The following NBAS variants were observed in gnomAD, a reference collection of about 807,000 sequenced individuals.
NBAS encodes NBAS subunit of NRZ tethering complex.
Under a neutral mutation model 302.5 loss-of-function variants are expected in NBAS, and 219 were observed. That is an observed-to-expected ratio of 0.72 (90% confidence interval 0.65 to 0.81). The LOEUF (loss-of-function observed/expected upper bound fraction) is 0.81, where lower values mean the gene tolerates loss of function less well. NBAS is among the 30% of genes least tolerant of loss of function. The pLI is 0.00. For missense variants in NBAS, 2,932 were observed against 2,841.6 expected, an observed-to-expected ratio of 1.03 and a Z score of -0.72; for synonymous variants, 1,118 against 1,021.6, an observed-to-expected ratio of 1.09 and a Z score of -1.80.
At chr2:15,452,546 C>T (rs904223662) in intron 21 of NBAS, among the ~76,000 whole-genome samples, 2 of 150,838 alleles carry the variant, frequency 1.3e-5, no homozygotes, top group Non-Finnish European at 2.9e-5. Context: ...CGAGATCGCG[C>T]CACTGCACTC....
the NBAS span, among the ~76,000 whole-genome samples, chr2:15,091,722 G>A: frequency 6.6e-6 from 1 of 151,932 alleles, no homozygotes; most frequent in Non-Finnish European, 1.5e-5. Context: ...TAGGAGAGAT[G>A]GGGCTTCGCC....
chr2:14,788,782 T>G, the NBAS span, among the ~76,000 whole-genome samples: 6 of 151,054 alleles, frequency 4.0e-5, no homozygotes, highest in South Asian at 1.3e-3. Flanking sequence ...GGTCAGGGGT[T>G]AGGGACCCAC....
intron 29 of NBAS, among the ~76,000 whole-genome samples, chr2:15,381,323 T>G (rs977166200): frequency 6.6e-6 from 1 of 152,124 alleles, no homozygotes; most frequent in South Asian, 2.1e-4. Flanking sequence ...TAAGACAACA[T>G]AGTATATTTT....
At chr2:15,553,870 C>T (rs1306250897) in intron 4 of NBAS, among the ~76,000 whole-genome samples, 191 bp downstream of exon 4, 1 of 37,124 alleles carries the variant, frequency 2.7e-5, no homozygotes, top group South Asian at 8.4e-4. Flanking sequence ...CTCCCTCTCT[C>T]CCTCTCTCTC....
At chr2:15,455,763 T>G (rs1419187995) in intron 21 of NBAS, among the ~76,000 whole-genome samples, 2 of 150,242 alleles carry the variant, frequency 1.3e-5, no homozygotes, top group Non-Finnish European at 1.5e-5. Context: ...GGCAACTAGA[T>G]AGTCAATGCT....
chr2:15,552,678 C>A (rs1400545740), intron 5 of NBAS, among the ~76,000 whole-genome samples: 1 of 152,062 alleles, frequency 6.6e-6, no homozygotes, highest in Non-Finnish European at 1.5e-5. Context: ...TATAATACCA[C>A]TGAATGTCTC....
the NBAS span, among the ~76,000 whole-genome samples, chr2:15,063,452 T>C: frequency 5.9e-5 from 9 of 152,164 alleles, no homozygotes; most frequent in African/African-American, 2.2e-4. Flanking sequence ...TCCTGGAGGA[T>C]GGACAGAATG....
At chr2:15,179,780 A>T (rs896963359) in intron 50 of NBAS, 4 of 152,364 alleles carry the variant, frequency 2.6e-5, no homozygotes, top group African/African-American at 9.6e-5. Flanking sequence ...GGTGTATCTG[A>T]ATTTTATTCT....
At chr2:15,074,124 A>G in the NBAS span, among the ~76,000 whole-genome samples, 2 of 152,232 alleles carry the variant, frequency 1.3e-5, no homozygotes, top group Admixed American at 6.5e-5. Flanking sequence ...GCAACAGAAT[A>G]GCTCCAAAAA....
chr2:15,045,391 G>A, the NBAS span, among the ~76,000 whole-genome samples: 1 of 152,226 alleles, frequency 6.6e-6, no homozygotes, highest in African/African-American at 2.4e-5. Flanking sequence ...TAACATGGCT[G>A]CCCATGGTGC....
chr2:15,074,344 GGGAAGGAAGGAAGGAT>G, the NBAS span, among the ~76,000 whole-genome samples: 50 of 147,100 alleles, frequency 3.4e-4, no homozygotes, highest in Non-Finnish European at 5.4e-4. Flanking sequence ...AAGGGAGGGA[GGGAAGGAAGGAAGGAT>G]GGAAGGAAGG....
chr2:14,998,479 G>T, the NBAS span, among the ~76,000 whole-genome samples: 1 of 152,170 alleles, frequency 6.6e-6, no homozygotes, highest in African/African-American at 2.4e-5. Flanking sequence ...GTGTCCTTGG[G>T]TGAGGCGGTA....
chr2:14,901,945 C>G, the NBAS span, among the ~76,000 whole-genome samples: 2 of 152,334 alleles, frequency 1.3e-5, no homozygotes, highest in African/African-American at 4.8e-5. Flanking sequence ...TGGAAACACC[C>G]ATGGGATCTG....
chr2:15,064,042 C>G, the NBAS span, among the ~76,000 whole-genome samples: 1 of 152,076 alleles, frequency 6.6e-6, no homozygotes, highest in African/African-American at 2.4e-5. Flanking sequence ...TCTTGCTAGG[C>G]CCATTTATTT....
chr2:14,795,577 T>C, the NBAS span, among the ~76,000 whole-genome samples: 5 of 152,144 alleles, frequency 3.3e-5, no homozygotes, highest in Non-Finnish European at 7.3e-5. Flanking sequence ...TTCTTTCAAA[T>C]GAGAGAATTT....
chr2:15,114,215 C>CT, the NBAS span, among the ~76,000 whole-genome samples: 2 of 152,094 alleles, frequency 1.3e-5, no homozygotes, highest in African/African-American at 4.8e-5. Flanking sequence ...GGCTGGGTGG[C>CT]TTAAACAACA....
At chr2:15,067,765 T>C in the NBAS span, among the ~76,000 whole-genome samples, 7 of 152,262 alleles carry the variant, frequency 4.6e-5, no homozygotes, top group South Asian at 8.3e-4. Flanking sequence ...ACTGCGCCTA[T>C]AGTTAACATA....
At chr2:15,051,318 C>A in the NBAS span, among the ~76,000 whole-genome samples, 3 of 152,174 alleles carry the variant, frequency 2.0e-5, no homozygotes. Flanking sequence ...GAATTGTGTG[C>A]AGGGAGCTGG....
At chr2:15,143,411 T>C in the NBAS span, among the ~76,000 whole-genome samples, 8 of 152,304 alleles carry the variant, frequency 5.3e-5, no homozygotes, top group East Asian at 1.5e-3. Flanking sequence ...GACGGAGCAG[T>C]TTTGATCCTG....
Sources: allele counts gnomAD v4.1 joint callset (sites outside exome capture counted in the v4.1 genomes callset), GRCh38; gene constraint gnomAD v4.1.1; transcripts MANE v1.5; gene names NCBI Gene and HGNC (gene_info 2026-07-23, HGNC 2026-07-21).